GDPD5: variants seen among roughly 807,000 people sequenced by gnomAD.
GDPD5 encodes the protein glycerophosphodiester phosphodiesterase domain containing 5.
In GDPD5, 48 loss-of-function variants were observed where a neutral mutation model predicts 75.1. The observed-to-expected ratio is 0.64, with a 90% CI of 0.51 to 0.81. The LOEUF (loss-of-function observed/expected upper bound fraction) is 0.81, where lower values mean the gene tolerates loss of function less well. Ranked by LOEUF, GDPD5 falls within the 40% of genes least tolerant of loss-of-function variation. The pLI is 0.00. For synonymous variants in GDPD5, 336 were observed against 339.0 expected (o/e 0.99, Z 0.10); for missense variants, 706 against 822.6 (o/e 0.86, Z 1.73).
chr11:75,491,788 T>A (rs1950114214), intron 1 of GDPD5, among the ~76,000 whole-genome samples: 1 of 152,180 alleles, frequency 6.6e-6, no homozygotes, highest in African/African-American at 2.4e-5. Context: ...ACACTTAAAG[T>A]GACTATTATT....
intron 1 of GDPD5, among the ~76,000 whole-genome samples, chr11:75,523,819 C>A (rs1028865091): frequency 6.6e-6 from 1 of 152,252 alleles, no homozygotes; most frequent in Non-Finnish European, 1.5e-5. Context: ...ATCCCCTAAC[C>A]CTTCCACCCC....
At chr11:75,524,658 G>C (rs1163737576) in intron 1 of GDPD5, among the ~76,000 whole-genome samples, 1 of 152,172 alleles carries the variant, frequency 6.6e-6, no homozygotes, top group Non-Finnish European at 1.5e-5. Flanking sequence ...GTGTCTTAGA[G>C]ACCCTGGAGT....
At chr11:75,521,484 G>A (rs145490832) in intron 1 of GDPD5, among the ~76,000 whole-genome samples, 30 of 152,290 alleles carry the variant, frequency 2.0e-4, no homozygotes, top group African/African-American at 7.2e-4. Flanking sequence ...AGCTACCTCA[G>A]GGAGTTTGTG....
intron 3 of GDPD5, among the ~76,000 whole-genome samples, chr11:75,472,649 C>G (rs1949695081): frequency 6.6e-6 from 1 of 152,196 alleles, no homozygotes; most frequent in South Asian, 2.1e-4. Flanking sequence ...CCGGCTGCCC[C>G]ACCTGGTCAG....
chr11:75,462,781 C>T lies in GDPD5; in HGVS notation c.221+5G>A. On this transcript the variant is annotated splice_donor_5th_base_variant and intron_variant, in intron 4 of 16. Coordinates refer to ENST00000336898, the MANE Select transcript of GDPD5 (RefSeq NM_030792.8). ...CTTCCTCCCCCACCCACTGCCCCTA[C>T]TCACCAGTTGAATTCATCATAGTCA... 1.2e-6 allele frequency: 2 copies of T among 1,609,300 alleles called. No homozygotes were observed. The highest frequency in any genetic ancestry group is 1.7e-6 in the Non-Finnish European group (2 of 1,176,060).
At chr11:75,495,954 A>G (rs575727612) in intron 1 of GDPD5, among the ~76,000 whole-genome samples, 127 of 152,326 alleles carry the variant, frequency 8.3e-4, no homozygotes, top group Middle Eastern at 6.8e-3. Flanking sequence ...GAAGGTCCTT[A>G]TGCTTATGCC....
intron 9 of GDPD5, among the ~76,000 whole-genome samples, chr11:75,447,739 C>T (rs1174576239): frequency 6.6e-6 from 1 of 152,118 alleles, no homozygotes; most frequent in Non-Finnish European, 1.5e-5. Context: ...CAGGAGGGGC[C>T]ATCGTTTTAA....
chr11:75,499,165 A>G (rs574590008), intron 1 of GDPD5, among the ~76,000 whole-genome samples: 2 of 152,096 alleles, frequency 1.3e-5, no homozygotes, highest in East Asian at 3.9e-4. Context: ...GAGATGAGGA[A>G]ACTGAAGCTC....
At chr11:75,488,569 A>ACCTAC (rs1451265454) in intron 2 of GDPD5, among the ~76,000 whole-genome samples, 1 of 151,748 alleles carries the variant, frequency 6.6e-6, no homozygotes, top group African/African-American at 2.4e-5. Context: ...CAAAGACACC[A>ACCTAC]CCTACCCAGC....
At chr11:75,496,379 G>A (rs1269172672) in intron 1 of GDPD5, among the ~76,000 whole-genome samples, 1 of 152,242 alleles carries the variant, frequency 6.6e-6, no homozygotes, top group Non-Finnish European at 1.5e-5. Context: ...GGGAGGTGGG[G>A]GAGCAGAGGA....
intron 12 of GDPD5, among the ~76,000 whole-genome samples, 155 bp downstream of exon 12, chr11:75,442,208 C>T (rs897823854): frequency 1.3e-5 from 2 of 152,198 alleles, no homozygotes; most frequent in Admixed American, 1.3e-4. Flanking sequence ...CCCTCTTGTC[C>T]CATGATGACC....
intron 3 of GDPD5, among the ~76,000 whole-genome samples, chr11:75,473,448 C>T (rs1393587102): frequency 1.3e-5 from 2 of 152,042 alleles, no homozygotes; most frequent in African/African-American, 4.8e-5. Context: ...ACAGCCAGTC[C>T]GTTGATACCT....
chr11:75,501,250 C>T (rs572410299), intron 1 of GDPD5, among the ~76,000 whole-genome samples: 2 of 152,360 alleles, frequency 1.3e-5, no homozygotes, highest in Admixed American at 1.3e-4. Flanking sequence ...CACTTAGCCC[C>T]TTTCAGAGCA....
rs372302978 is a variant in GDPD5 at position 75,449,159 on chromosome 11, C to T, written c.569-37G>A. ...GGGCCGTGAGTGCTGCCTGGTGAGC[C>T]CTGGGCAGGTTGGGGTGCAATGCTG... is the stretch of plus-strand genomic sequence containing the variant. On this transcript the variant is annotated intron_variant, in intron 8 of 16. Coordinates refer to ENST00000336898, the MANE Select transcript of GDPD5 (RefSeq NM_030792.8). 26 of 1,546,030 alleles carry T rather than the reference C, an allele frequency of 1.7e-5. No individual in the cohort carries two copies. In the African/African-American group the frequency reaches 3.0e-4, roughly 18 times the overall value.
intron 2 of GDPD5, among the ~76,000 whole-genome samples, chr11:75,489,740 ATT>A (rs749421547): frequency 1.1e-4 from 16 of 139,218 alleles, no homozygotes; most frequent in Admixed American, 1.4e-4. Context: ...CTGGGTTTTC[ATT>A]TTTTTTTTTT....
At chr11:75,520,233 G>C (rs570062502) in intron 1 of GDPD5, among the ~76,000 whole-genome samples, 1 of 152,236 alleles carries the variant, frequency 6.6e-6, no homozygotes. Context: ...TGAGTTGCTC[G>C]TTCACGAAGC....
chr11:75,440,508 A>G lies in GDPD5; in HGVS notation c.1474-547T>C, dbSNP rs529712030. On this transcript the variant is annotated intron_variant, in intron 14 of 16. Coordinates refer to ENST00000336898, the MANE Select transcript of GDPD5 (RefSeq NM_030792.8). The stretch of plus-strand genomic sequence containing the variant: ...CCTATCTGCAGGTGCCCAGTCAACC[A>G]GCTAAAATATTGCTTTATTTGCTGT... Among the ~76,000 whole-genome samples, 100 of 152,342 alleles carry G rather than the reference A, an allele frequency of 6.6e-4. No homozygotes were observed. In the Middle Eastern group the frequency reaches 0.01, roughly 16 times the overall value.
chr11:75,499,873 G>A (rs1038024873), intron 1 of GDPD5, among the ~76,000 whole-genome samples: 5 of 152,132 alleles, frequency 3.3e-5, no homozygotes, highest in African/African-American at 7.2e-5. Context: ...GGCCAACCCC[G>A]CCCAGCCCTG....
intron 15 of GDPD5, among the ~76,000 whole-genome samples, 194 bp downstream of exon 15, chr11:75,439,685 G>A (rs1188354053): frequency 6.6e-6 from 1 of 152,188 alleles, no homozygotes; most frequent in African/African-American, 2.4e-5. Flanking sequence ...TGGGATCCCA[G>A]CTGCATGTTC....
Sources: allele counts gnomAD v4.1 joint callset (sites outside exome capture counted in the v4.1 genomes callset), GRCh38; gene constraint gnomAD v4.1.1; transcripts MANE v1.5; gene names NCBI Gene and HGNC (gene_info 2026-07-23, HGNC 2026-07-21).